Variants in HIPK2 observed in about 807,000 individuals in gnomAD.
HIPK2 encodes homeodomain interacting protein kinase 2, also known as homeodomain-interacting protein kinase 2.
Under a neutral mutation model 113.7 loss-of-function variants are expected in HIPK2, and 27 were observed. The observed-to-expected ratio is 0.24, with a 90% confidence interval of 0.17 to 0.33. The LOEUF (loss-of-function observed/expected upper bound fraction) is 0.33, where lower values mean the gene tolerates loss of function less well. HIPK2 is among the 10% of genes least tolerant of loss of function. The pLI, the probability that HIPK2 is intolerant of heterozygous loss-of-function variation, is 1.00. For synonymous variants in HIPK2, 631 were observed against 642.2 expected (o/e 0.98, Z 0.26); for missense variants, 1,257 against 1,588.0 (o/e 0.79, Z 3.54).
chr7:139,629,676 C>G (rs557907890), intron 4 of HIPK2, among the ~76,000 whole-genome samples: 8 of 152,192 alleles, frequency 5.3e-5, no homozygotes, highest in African/African-American at 1.9e-4. Context: ...GCTGGAGATA[C>G]TGCTGTTTCC....
At chr7:139,700,726 C>A (rs1313787213) in intron 2 of HIPK2, among the ~76,000 whole-genome samples, 2 of 152,212 alleles carry the variant, frequency 1.3e-5, no homozygotes, top group African/African-American at 2.4e-5. Flanking sequence ...GGCAGCACTG[C>A]GGCTCATTTT....
At chr7:139,730,303 A>C (rs1340382918) in intron 1 of HIPK2, among the ~76,000 whole-genome samples, 3 of 151,880 alleles carry the variant, frequency 2.0e-5, no homozygotes, top group Non-Finnish European at 4.4e-5. Flanking sequence ...AGAACTGGAA[A>C]TCTACTCTAT....
At chr7:139,671,844 G>A (rs921747080) in intron 2 of HIPK2, among the ~76,000 whole-genome samples, 4 of 152,108 alleles carry the variant, frequency 2.6e-5, no homozygotes, top group South Asian at 2.1e-4. Flanking sequence ...CACTGCACCC[G>A]GCTGAGAATC....
intron 2 of HIPK2, among the ~76,000 whole-genome samples, chr7:139,707,220 C>T (rs1042777889): frequency 2.0e-5 from 3 of 152,264 alleles, no homozygotes; most frequent in African/African-American, 7.2e-5. Context: ...CGATCTGCAC[C>T]CAAGCCCTTG....
In HIPK2 at chr7:139,658,499, G is replaced by A. The variant is rs373980270; in HGVS notation, c.1104-26774C>T. Among the ~76,000 whole-genome samples, 27 of 152,334 alleles carry A rather than the reference G, an allele frequency of 1.8e-4. No individual in the cohort carries two copies. The South Asian group carries it at 5.4e-3, about 30-fold the overall frequency. On this transcript the variant is annotated intron_variant, in intron 2 of 14. Coordinates refer to ENST00000406875, the MANE Select transcript of HIPK2 (RefSeq NM_022740.5). ...CCACTGAATTATTTTCAGGGAAAGT[G>A]ACTTCATGAGAAGTAGGAAAGCGAA... is the stretch of plus-strand genomic sequence containing the variant.
intron 2 of HIPK2, 174 bp downstream of exon 2, chr7:139,715,758 T>G (rs1454315848): frequency 3.9e-5 from 21 of 540,602 alleles, no homozygotes; most frequent in Non-Finnish European, 5.0e-5. Flanking sequence ...CTAATGTGAC[T>G]TCTAATTGAC....
At chr7:139,775,397 C>G (rs1373476056) in intron 1 of HIPK2, among the ~76,000 whole-genome samples, 1 of 152,130 alleles carries the variant, frequency 6.6e-6, no homozygotes, top group Non-Finnish European at 1.5e-5. Flanking sequence ...TAGAGCATGT[C>G]CAACAATCTC....
rs377372698 is a variant in HIPK2 at position 139,623,440 on chromosome 7, G to A, written c.1620-2877C>T. ...CAGGAGAATCGCTTGAACCTGGGAGGTGGAAGCTGCAGTGACGCAGTGAGC... is the reference window on the plus strand; with the variant it reads ...CAGGAGAATCGCTTGAACCTGGGAGATGGAAGCTGCAGTGACGCAGTGAGC... On this transcript the variant is annotated intron_variant, in intron 6 of 14. Transcript: ENST00000406875. Among the ~76,000 whole-genome samples the A allele has an allele frequency of 5.0e-4, 76 of 150,922 alleles. No homozygotes were observed. The East Asian group carries it at 0.014, about 29-fold the overall frequency.
chr7:139,708,150 C>G (rs1416826408), intron 2 of HIPK2, among the ~76,000 whole-genome samples: 1 of 152,114 alleles, frequency 6.6e-6, no homozygotes, highest in African/African-American at 2.4e-5. Flanking sequence ...ACACTACACC[C>G]TGGTGGGCTG....
intron 13 of HIPK2, among the ~76,000 whole-genome samples, chr7:139,576,612 C>T (rs1409749389): frequency 6.6e-6 from 1 of 152,198 alleles, no homozygotes; most frequent in Non-Finnish European, 1.5e-5. Flanking sequence ...GTGCTAAGGA[C>T]GGTGACTGTG....
chr7:139,627,083 G>A (rs1414973273), intron 5 of HIPK2, among the ~76,000 whole-genome samples: 1 of 152,182 alleles, frequency 6.6e-6, no homozygotes, highest in Admixed American at 6.5e-5. Flanking sequence ...GCTTTCATCA[G>A]TTAAGTTGAA....
At chr7:139,633,692 C>T (rs1800701673) in intron 2 of HIPK2, among the ~76,000 whole-genome samples, 1 of 151,600 alleles carries the variant, frequency 6.6e-6, no homozygotes. Flanking sequence ...GGCCTGTAAT[C>T]CCAGCACTTT....
intron 2 of HIPK2, among the ~76,000 whole-genome samples, chr7:139,640,035 T>C (rs6969612): frequency 0.016 from 2,381 of 152,228 alleles, 54 homozygotes; most frequent in African/African-American, 0.054. Context: ...AACTGATCTC[T>C]CATTTGCTCT....
At chr7:139,733,036 T>C (rs1162362176) in intron 1 of HIPK2, among the ~76,000 whole-genome samples, 1 of 151,956 alleles carries the variant, frequency 6.6e-6, no homozygotes, top group African/African-American at 2.4e-5. Flanking sequence ...TGAGATCTGG[T>C]GGCTTAAAAG....
intron 1 of HIPK2, among the ~76,000 whole-genome samples, chr7:139,730,493 G>A (rs1795742551): frequency 6.6e-6 from 1 of 151,854 alleles, no homozygotes; most frequent in African/African-American, 2.4e-5. Context: ...CCCGAGTAGT[G>A]GGGATTACAG....
In HIPK2 at chr7:139,714,218, G is replaced by C. The variant is rs1023833594; in HGVS notation, c.1103+1714C>G. ...AATCCTCAGGGCAGGGCAGAGAAGA[G>C]GCTCGCAGAGAGCTGTTCTAACTCA... On this transcript the variant is annotated intron_variant, in intron 2 of 14. Transcript: ENST00000406875. This position sits in a 1 kb window ranked among gnomAD's most constrained non-coding sequence, Gnocchi z 4.2. Among the ~76,000 whole-genome samples, 15 of 152,328 alleles carry C rather than the reference G, an allele frequency of 9.8e-5. No individual in the cohort carries two copies. The East Asian group carries it at 2.7e-3, about 27-fold the overall frequency.
In HIPK2 at chr7:139,714,452, T is replaced by G. The variant is rs1429888672; in HGVS notation, c.1103+1480A>C. The stretch of plus-strand genomic sequence containing the variant: ...CTGAGGGAGGGGCTGGGAGGAGACT[T>G]GCAACAGCTCTGCCTGCAGCCAGGA... On this transcript the variant is annotated intron_variant, in intron 2 of 14. Coordinates refer to ENST00000406875, the MANE Select transcript of HIPK2 (RefSeq NM_022740.5). This position sits in a 1 kb window ranked among gnomAD's most constrained non-coding sequence, Gnocchi z 4.2. Among the ~76,000 whole-genome samples, 2 of 152,032 alleles carry G rather than the reference T, an allele frequency of 1.3e-5. No individual in the cohort carries two copies.
chr7:139,599,979 C>T (rs527818201), intron 11 of HIPK2, among the ~76,000 whole-genome samples: 1 of 152,270 alleles, frequency 6.6e-6, no homozygotes, highest in African/African-American at 2.4e-5. Flanking sequence ...GTTCCTCATC[C>T]TCCAGGTGTG....
intron 1 of HIPK2, among the ~76,000 whole-genome samples, chr7:139,771,455 G>T (rs1468306246): frequency 1.3e-5 from 2 of 151,904 alleles, no homozygotes. Flanking sequence ...AAATAAAGAC[G>T]GCCGAAATGA....
Sources: allele counts gnomAD v4.1 joint callset (sites outside exome capture counted in the v4.1 genomes callset), GRCh38; gene constraint gnomAD v4.1.1; non-coding constraint Gnocchi (gnomAD v3.1); transcripts MANE v1.5; gene names NCBI Gene and HGNC (gene_info 2026-07-23, HGNC 2026-07-21).